The following TRIO variants were observed in gnomAD, a reference collection of about 807,000 sequenced individuals.
TRIO encodes triple functional domain protein.
Under a neutral mutation model 351.9 loss-of-function variants are expected in TRIO, and 58 were observed. That is an observed-to-expected ratio of 0.16 (90% confidence interval 0.13 to 0.21). The LOEUF is 0.21. TRIO is among the 10% of genes least tolerant of loss of function. TRIO has a pLI of 1.00. For synonymous variants in TRIO, 1,758 were observed against 1,595.7 expected (o/e 1.10, Z -2.42); for missense variants, 3,201 against 4,027.8 (o/e 0.79, Z 5.56).
intron 34 of TRIO, among the ~76,000 whole-genome samples, chr5:14,457,182 T>C (rs1276244850): frequency 6.6e-6 from 1 of 152,212 alleles, no homozygotes; most frequent in Non-Finnish European, 1.5e-5. Flanking sequence ...ATTTTTCTTA[T>C]AGTTTATGAC....
intron 1 of TRIO, among the ~76,000 whole-genome samples, chr5:14,144,612 G>C (rs1283571384): frequency 3.3e-5 from 5 of 152,006 alleles, no homozygotes; most frequent in Non-Finnish European, 7.4e-5. Flanking sequence ...TGGGGCTCGC[G>C]GGGCACTGTG....
intron 1 of TRIO, among the ~76,000 whole-genome samples, chr5:14,224,718 A>C (rs946046722): frequency 6.6e-6 from 1 of 152,160 alleles, no homozygotes; most frequent in African/African-American, 2.4e-5. Context: ...GATTGTCGTT[A>C]GTTGTTTTTG....
chr5:14,329,638 T>C (rs1312204739), intron 9 of TRIO, among the ~76,000 whole-genome samples: 1 of 152,244 alleles, frequency 6.6e-6, no homozygotes, highest in Non-Finnish European at 1.5e-5. Flanking sequence ...AGTTACAACA[T>C]GCAAAGTATG....
intron 1 of TRIO, among the ~76,000 whole-genome samples, chr5:14,254,268 C>T (rs375804448): frequency 6.6e-6 from 1 of 151,838 alleles, no homozygotes. Context: ...ACTGCAGCCT[C>T]CGCCTCCCAG....
At chr5:14,347,869 C>A (rs1232324275) in intron 11 of TRIO, among the ~76,000 whole-genome samples, 1 of 152,230 alleles carries the variant, frequency 6.6e-6, no homozygotes, top group African/African-American at 2.4e-5. Flanking sequence ...CAGATCCCAA[C>A]AGATCTCAGC....
intron 1 of TRIO, among the ~76,000 whole-genome samples, chr5:14,229,840 T>G (rs537788393): frequency 2.4e-4 from 37 of 152,244 alleles, no homozygotes; most frequent in Non-Finnish European, 4.6e-4. Flanking sequence ...TGCTTAGGTA[T>G]GACTGCTAAA....
chr5:14,322,994 G>A (rs57974400), intron 9 of TRIO, among the ~76,000 whole-genome samples: 3,554 of 152,166 alleles, frequency 0.023, 144 homozygotes, highest in African/African-American at 0.082. Context: ...GAGGAGGTGG[G>A]ACTGGAATCC....
At position 14,507,275 on chromosome 5, in the gene TRIO, G is replaced by A. The variant is rs760136311; in HGVS notation, c.8751+15G>A. The A allele has an allele frequency of 1.2e-5, 20 of 1,610,702 alleles. No individual in the cohort carries two copies. The highest frequency in any genetic ancestry group is 2.3e-4 in the Middle Eastern group (1 of 4,430). ...TGGACCTAAAGGTTGGTGAGGCCCC[G>A]GGCAGGTGAAGGGGGGTCTGAGCAC... On this transcript the variant is annotated intron_variant, in intron 56 of 56. Transcript: ENST00000344204.
At chr5:14,458,743 A>T (rs1753554476) in intron 34 of TRIO, among the ~76,000 whole-genome samples, 1 of 152,148 alleles carries the variant, frequency 6.6e-6, no homozygotes. Flanking sequence ...TTGTCATCTG[A>T]CATATAGATT....
intron 1 of TRIO, among the ~76,000 whole-genome samples, chr5:14,255,894 A>G (rs1794997705): frequency 6.6e-6 from 1 of 152,242 alleles, no homozygotes; most frequent in African/African-American, 2.4e-5. Flanking sequence ...AGCCTGTAGC[A>G]TGATTGCATT....
At chr5:14,263,074 A>G (rs927527758) in intron 1 of TRIO, among the ~76,000 whole-genome samples, 1 of 152,078 alleles carries the variant, frequency 6.6e-6, no homozygotes, top group Non-Finnish European at 1.5e-5. Flanking sequence ...GTTTTGGACT[A>G]CTTCTTCCAC....
intron 11 of TRIO, among the ~76,000 whole-genome samples, chr5:14,337,743 G>T (rs1741556920): frequency 6.6e-6 from 1 of 152,166 alleles, no homozygotes; most frequent in African/African-American, 2.4e-5. Context: ...GTCCTCAGTC[G>T]GGTCATTTGT....
chr5:14,356,350 A>G (rs1395314030), intron 11 of TRIO, among the ~76,000 whole-genome samples: 2 of 152,256 alleles, frequency 1.3e-5, no homozygotes, highest in Admixed American at 6.5e-5. Context: ...TATGTTTGAC[A>G]GCAAAAGAAC....
chr5:14,273,631 T>G (rs6868596), intron 2 of TRIO, among the ~76,000 whole-genome samples: 5,347 of 152,328 alleles, frequency 0.035, 334 homozygotes, highest in African/African-American at 0.12. Flanking sequence ...CCCTTGCCCT[T>G]CAGCCATATG....
intron 8 of TRIO, among the ~76,000 whole-genome samples, chr5:14,310,593 C>A (rs1007062355): frequency 2.6e-5 from 4 of 152,226 alleles, no homozygotes; most frequent in African/African-American, 7.2e-5. Context: ...GATGAAAACA[C>A]ACAGCAAAAT....
At chr5:14,387,879 C>A (rs779123520) in intron 23 of TRIO, 32 bp downstream of exon 23, 5 of 1,605,530 alleles carry the variant, frequency 3.1e-6, no homozygotes, top group South Asian at 1.1e-5. Flanking sequence ...TACCAGGATT[C>A]ACTGGAAAAG....
intron 1 of TRIO, among the ~76,000 whole-genome samples, chr5:14,209,026 A>T (rs1035532499): frequency 6.6e-6 from 1 of 152,216 alleles, no homozygotes; most frequent in African/African-American, 2.4e-5. Flanking sequence ...GAATATTTTT[A>T]AAATAGTGCA....
chr5:14,436,704 C>T (rs1381947078), intron 34 of TRIO, among the ~76,000 whole-genome samples: 1 of 152,188 alleles, frequency 6.6e-6, no homozygotes, highest in Non-Finnish European at 1.5e-5. Context: ...AAAGGGGCTA[C>T]AGACCCCATG....
At position 14,254,610 on chromosome 5, in the gene TRIO, C is replaced by T. The variant is rs544105878; in HGVS notation, c.158-16215C>T. ...CTACCGTTGGTCTTGGCTCTGTTCTCCCGCGAGAAAGGCAGGAAGGTTTTT... is the reference window on the plus strand; with the variant it reads ...CTACCGTTGGTCTTGGCTCTGTTCTTCCGCGAGAAAGGCAGGAAGGTTTTT... On this transcript the variant is annotated intron_variant, in intron 1 of 56. Coordinates refer to ENST00000344204, the MANE Select transcript of TRIO (RefSeq NM_007118.4). Among the ~76,000 whole-genome samples the T allele has an allele frequency of 5.3e-5, 8 of 152,292 alleles. No individual in the cohort carries two copies. In the South Asian group the frequency reaches 1.5e-3, roughly 28 times the overall value.
Sources: gnomAD v4.1 joint callset for allele counts (sites outside exome capture counted in the v4.1 genomes callset) on GRCh38, gnomAD v4.1.1 for gene constraint, MANE v1.5 for transcripts, NCBI Gene and HGNC (gene_info 2026-07-23, HGNC 2026-07-21) for gene names.